NUP210: variants seen among roughly 807,000 people sequenced by gnomAD.
NUP210 encodes nucleoporin 210.
Under a neutral mutation model 196.0 loss-of-function variants are expected in NUP210, and 151 were observed. That is an observed-to-expected ratio of 0.77 (90% CI 0.67 to 0.88). NUP210 has a LOEUF of 0.88. Ranked by LOEUF, NUP210 falls within the 40% of genes least tolerant of loss-of-function variation. The pLI, the probability that NUP210 is intolerant of heterozygous loss-of-function variation, is 0.00. For missense variants in NUP210, 2,314 were observed against 2,493.7 expected (o/e 0.93, Z 1.53); for synonymous variants, 1,070 against 1,052.7 (o/e 1.02, Z -0.32).
intron 20 of NUP210, 128 bp from the exon 21 acceptor site, chr3:13,343,431 G>T: frequency 1.7e-6 from 2 of 1,208,976 alleles, no homozygotes; most frequent in Non-Finnish European, 2.3e-6. Flanking sequence ...GATGCCAGTG[G>T]CAGAGCCCGC....
chr3:13,399,689 T>C, intron 2 of NUP210, 36 bp downstream of exon 2: 2 of 1,608,982 alleles, frequency 1.2e-6, no homozygotes, highest in Non-Finnish European at 1.7e-6. Context: ...TGTCTCTGGC[T>C]CCCACCGGGG....
intron 20 of NUP210, chr3:13,351,659 G>T (rs1229378944): frequency 2.7e-5 from 13 of 482,946 alleles, no homozygotes; most frequent in Admixed American, 8.0e-5. Context: ...GCTAATTTTT[G>T]ATTTTTCTTT....
chr3:13,324,448 C>T (rs1251717415), intron 33 of NUP210, among the ~76,000 whole-genome samples: 1 of 152,190 alleles, frequency 6.6e-6, no homozygotes, highest in Non-Finnish European at 1.5e-5. Context: ...TGTGACATCT[C>T]TAGCTCCCCG....
chr3:13,360,420 G>A lies in NUP210; in HGVS notation c.2004C>T (p.Pro668=), dbSNP rs946563093. 2 of 1,613,882 alleles carry A rather than the reference G, an allele frequency of 1.2e-6. No homozygotes were observed. Among genetic ancestry groups the A allele is most frequent in the South Asian group, 1.1e-5 (1 of 90,994 alleles). Residue 668 remains proline (P), a synonymous_variant, in exon 15 of 40, where the codon CCC becomes CCT. Coordinates refer to ENST00000254508, the MANE Select transcript of NUP210 (RefSeq NM_024923.4). ...TGGACGGCTCGAGGATCCAAGGTCT[G>A]GGACCTCCTTCAAACAGCATCTCCT... ...SSKEMLFEGG[P]RPWILEPSKF... is the part of the protein sequence containing the mutation.
At chr3:13,380,962 C>T (rs1052795574) in intron 6 of NUP210, among the ~76,000 whole-genome samples, 2 of 152,214 alleles carry the variant, frequency 1.3e-5, no homozygotes, top group African/African-American at 4.8e-5. Flanking sequence ...AAATGATGGG[C>T]CCCATCCCAG....
At chr3:13,416,152 A>T (rs1431313007) in intron 1 of NUP210, among the ~76,000 whole-genome samples, 1 of 152,198 alleles carries the variant, frequency 6.6e-6, no homozygotes, top group Non-Finnish European at 1.5e-5. Context: ...GAAGTGCCCC[A>T]GACCACATAA....
At position 13,325,936 on chromosome 3, in the gene NUP210, A is replaced by G. The variant is rs539460626; in HGVS notation, c.4508-5T>C. The G allele has an allele frequency of 1.2e-6, 2 of 1,613,800 alleles. No homozygotes were observed. The highest frequency in any genetic ancestry group is 1.7e-5 in the Admixed American group (1 of 60,016). On this transcript the variant is annotated splice_region_variant and splice_polypyrimidine_tract_variant and intron_variant, in intron 32 of 39. Transcript: ENST00000254508. ...AGCTCCAGGTTCCTGAGAGGCCTGG[A>G]GAGGAAGCACAGGTGTCAGCCCCCT... is the stretch of plus-strand genomic sequence containing the variant.
chr3:13,316,663 C>T lies in NUP210; in HGVS notation c.*1018G>A, dbSNP rs1696284785. On this transcript the variant is annotated 3_prime_UTR_variant, in exon 40 of 40. Transcript: ENST00000254508. ...CTCCATCATTGGCCCAGGCCGGGCTCTAGGGCCTGCTGGGAAGCTGTCTGG... is the reference window on the plus strand; with the variant it reads ...CTCCATCATTGGCCCAGGCCGGGCTTTAGGGCCTGCTGGGAAGCTGTCTGG... 1 of 152,260 alleles carries T rather than the reference C, an allele frequency of 6.6e-6. No individual in the cohort carries two copies. The highest frequency in any genetic ancestry group is 2.4e-5 in the African/African-American group (1 of 41,464). The allele number at this position is 152,260 out of a possible 1,614,324, so 9.4% of individuals were successfully genotyped here.
rs770027401 is a variant in NUP210 at position 13,341,833 on chromosome 3, C to A, written c.3143G>T (p.Gly1048Val). The change falls in exon 23 of 40, where the codon GGT becomes GTT. Residue 1048 changes from glycine to valine, a missense_variant. Transcript: ENST00000254508. Reference protein sequence around the residue: ...DNYTITFLIRGVAIGQTSLTA... With the variant: ...DNYTITFLIRVVAIGQTSLTA... ...TAGACTGGTCTGGCCGATGGCCACA[C>A]CGCGGATGAGGAATGTGATGGTGTA... The A allele has an allele frequency of 6.2e-7, 1 of 1,614,186 alleles. No homozygotes were observed. Among genetic ancestry groups the A allele is most frequent in the Non-Finnish European group, 8.5e-7 (1 of 1,180,034 alleles).
At chr3:13,357,179 C>T (rs762545799) in intron 16 of NUP210, among the ~76,000 whole-genome samples, 2 of 152,246 alleles carry the variant, frequency 1.3e-5, no homozygotes, top group African/African-American at 2.4e-5. Flanking sequence ...TTCGCTGGTT[C>T]ACTCATCCTT....
chr3:13,325,866 C>G lies in NUP210; in HGVS notation c.4573G>C (p.Ala1525Pro). The change falls in exon 33 of 40, where the codon GCT becomes CCT. Residue 1525 changes from alanine to proline, a missense_variant. Physicochemically the swap from Ala to Pro is conservative, Grantham distance 27. Coordinates refer to ENST00000254508, the MANE Select transcript of NUP210 (RefSeq NM_024923.4). ...ILHIDPKTGV[A>P]VARAVGSVTV... ...ACGGATCCCACGGCCCGGGCCACAG[C>G]CACACCCGTCTTGGGGTCGATGTGG... 1 of 1,614,104 alleles carries G rather than the reference C, an allele frequency of 6.2e-7. No individual in the cohort carries two copies. Among genetic ancestry groups the G allele is most frequent in the South Asian group, 1.1e-5 (1 of 91,088 alleles).
intron 13 of NUP210, among the ~76,000 whole-genome samples, chr3:13,367,019 C>T (rs1249195331): frequency 2.0e-5 from 3 of 151,360 alleles, no homozygotes; most frequent in Admixed American, 6.6e-5. Context: ...CCAGCTACTC[C>T]GGAGGCTGAG....
chr3:13,389,386 C>T (rs1011720774), intron 4 of NUP210, among the ~76,000 whole-genome samples: 2 of 152,216 alleles, frequency 1.3e-5, no homozygotes, highest in African/African-American at 4.8e-5. Context: ...TGGATCAACC[C>T]ACTGAGCTGT....
At chr3:13,392,861 G>A (rs934115038) in intron 3 of NUP210, among the ~76,000 whole-genome samples, 1 of 151,336 alleles carries the variant, frequency 6.6e-6, no homozygotes, top group Non-Finnish European at 1.5e-5. Flanking sequence ...TCTCGGGGAA[G>A]AGCCCAGCAG....
intron 1 of NUP210, among the ~76,000 whole-genome samples, chr3:13,403,699 A>C (rs1008277858): frequency 6.6e-6 from 1 of 152,076 alleles, no homozygotes; most frequent in Non-Finnish European, 1.5e-5. Flanking sequence ...AGCGGGTGCT[A>C]AATGCTCTTG....
chr3:13,380,973 A>C (rs1022706012), intron 6 of NUP210, among the ~76,000 whole-genome samples: 4 of 152,214 alleles, frequency 2.6e-5, no homozygotes, highest in African/African-American at 4.8e-5. Context: ...CCCATCCCAG[A>C]CCTGCTGAAT....
At chr3:13,368,657 C>G (rs1352491756) in intron 13 of NUP210, among the ~76,000 whole-genome samples, 2 of 152,238 alleles carry the variant, frequency 1.3e-5, no homozygotes, top group Non-Finnish European at 2.9e-5. Context: ...CTCTAGGTAT[C>G]TCATACAAGT....
At chr3:13,358,154 G>A in intron 16 of NUP210, 68 bp downstream of exon 16, 1 of 1,440,564 alleles carries the variant, frequency 6.9e-7, no homozygotes, top group Non-Finnish European at 9.5e-7. Flanking sequence ...CCATGGGCGA[G>A]GCCACCAATG....
At position 13,335,612 on chromosome 3, in the gene NUP210, C is replaced by T; in HGVS notation, c.3685G>A (p.Ala1229Thr). The change falls in exon 28 of 40, where the codon GCG (alanine) becomes ACG (threonine). Residue 1229 changes from alanine to threonine, a missense_variant and splice_region_variant. Ala to Thr is a moderately conservative substitution (Grantham distance 58). Coordinates refer to ENST00000254508, the MANE Select transcript of NUP210 (RefSeq NM_024923.4). ...VLDLRGRHHEASIRLPSQYNF... is the reference protein window; with the variant it reads ...VLDLRGRHHETSIRLPSQYNF... ...TACTGTGACGGGAGTCGGATCGACGCCTGGGAAGACATCAAACACGTTTTC... is the reference window on the plus strand; with the variant it reads ...TACTGTGACGGGAGTCGGATCGACGTCTGGGAAGACATCAAACACGTTTTC... 1 of 1,613,718 alleles carries T rather than the reference C, an allele frequency of 6.2e-7. No homozygotes were observed. Among genetic ancestry groups the T allele is most frequent in the African/African-American group, 1.3e-5 (1 of 75,060 alleles).
Sources: allele counts gnomAD v4.1 joint callset (sites outside exome capture counted in the v4.1 genomes callset), GRCh38; gene constraint gnomAD v4.1.1; transcripts MANE v1.5; gene names NCBI Gene and HGNC (gene_info 2026-07-23, HGNC 2026-07-21).